ELMOD2: variants seen among roughly 807,000 people sequenced by gnomAD.
ELMOD2 encodes the protein ELMO domain containing 2.
ELMOD2 carries 28 observed loss-of-function variants against 41.0 expected under a neutral mutation model. The observed-to-expected ratio is 0.68, with a 90% confidence interval of 0.51 to 0.94. The LOEUF (loss-of-function observed/expected upper bound fraction) is 0.94, where lower values mean the gene tolerates loss of function less well. Among genes scored for constraint, ELMOD2 ranks in the 40% least tolerant of loss-of-function variants. ELMOD2 has a pLI of 0.00. For synonymous variants in ELMOD2, 106 were observed against 107.2 expected (o/e 0.99, Z 0.07); for missense variants, 333 against 343.1 (o/e 0.97, Z 0.23).
intron 2 of ELMOD2, 32 bp from the exon 3 acceptor site, chr4:140,527,434 A>G: frequency 1.3e-6 from 2 of 1,504,000 alleles, no homozygotes; most frequent in Non-Finnish European, 1.8e-6. Context: ...CATTTAAGTG[A>G]TAACATCTTT....
rs562614834 is a variant in ELMOD2, at chr4:140,551,238, A to T, written c.*863A>T. The T allele has an allele frequency of 6.6e-6, 1 of 152,238 alleles. No individual in the cohort carries two copies. Among genetic ancestry groups the T allele is most frequent in the Admixed American group, 6.5e-5 (1 of 15,282 alleles). 9.4% of individuals were successfully genotyped at this position (152,238 alleles called of 1,614,324 possible). A position where few individuals can be genotyped will look rare whatever the true frequency, so the allele number is the denominator to read the frequency against. On this transcript the variant is annotated 3_prime_UTR_variant, in exon 9 of 9. Transcript: ENST00000323570. ...GAAAATCTTGATTATATAAAAGACA[A>T]AAAGATTATAAAAGACAGTTTCTGT...
chr4:140,530,595 A>T (rs1160025605), intron 3 of ELMOD2, among the ~76,000 whole-genome samples: 1 of 152,212 alleles, frequency 6.6e-6, no homozygotes, highest in Admixed American at 6.5e-5. Context: ...GAACTTCATT[A>T]TTCAAAAATA....
chr4:140,546,084 C>G (rs1469544639), intron 8 of ELMOD2, among the ~76,000 whole-genome samples: 1 of 152,090 alleles, frequency 6.6e-6, no homozygotes, highest in Non-Finnish European at 1.5e-5. Context: ...TTGGAACCAA[C>G]CCAAATGTCC....
intron 8 of ELMOD2, among the ~76,000 whole-genome samples, chr4:140,544,027 A>G (rs1242841983): frequency 6.6e-6 from 1 of 152,092 alleles, no homozygotes; most frequent in Non-Finnish European, 1.5e-5. Context: ...TTCTTGTGGT[A>G]GGTTAGAGGT....
chr4:140,529,315 T>C (rs1734666400), intron 3 of ELMOD2, among the ~76,000 whole-genome samples: 1 of 152,230 alleles, frequency 6.6e-6, no homozygotes, highest in Middle Eastern at 3.2e-3. Flanking sequence ...AAACTGACCT[T>C]AAACAAGTTG....
chr4:140,524,536 A>C, intron 1 of ELMOD2: 1 of 948,742 alleles, frequency 1.1e-6, no homozygotes, highest in Non-Finnish European at 1.3e-6. Flanking sequence ...TTTTGTCCTA[A>C]TGAGCGCGGA....
chr4:140,544,353 C>T (rs1735201167), intron 8 of ELMOD2, among the ~76,000 whole-genome samples: 1 of 152,028 alleles, frequency 6.6e-6, no homozygotes, highest in Non-Finnish European at 1.5e-5. Flanking sequence ...TTTCTTACAC[C>T]CTAATTCCAG....
chr4:140,531,650 T>C (rs1332689348), intron 3 of ELMOD2, among the ~76,000 whole-genome samples: 1 of 152,244 alleles, frequency 6.6e-6, no homozygotes, highest in Non-Finnish European at 1.5e-5. Flanking sequence ...TAGTTTTCTT[T>C]TAATGCTATA....
chr4:140,535,522 T>C, intron 3 of ELMOD2: 2 of 437,688 alleles, frequency 4.6e-6, no homozygotes, highest in South Asian at 5.9e-5. Context: ...AGCCTTCCTC[T>C]GGTACATCAT....
At chr4:140,536,816 G>A (rs1285638024) in intron 4 of ELMOD2, among the ~76,000 whole-genome samples, 1 of 152,114 alleles carries the variant, frequency 6.6e-6, no homozygotes, top group Non-Finnish European at 1.5e-5. Context: ...AAATGACAAA[G>A]GCATAAATAC....
chr4:140,525,703 C>G, intron 2 of ELMOD2, 133 bp downstream of exon 2: 2 of 902,674 alleles, frequency 2.2e-6, no homozygotes, highest in Non-Finnish European at 3.1e-6. Flanking sequence ...CTCTGAAGTC[C>G]CGCTTTGACT....
chr4:140,548,940 A>G (rs965415264), intron 8 of ELMOD2, among the ~76,000 whole-genome samples: 1 of 152,150 alleles, frequency 6.6e-6, no homozygotes, highest in African/African-American at 2.4e-5. Context: ...GTATGATTTG[A>G]TAAGTTTTAA....
At position 140,550,518 on chromosome 4, in the gene ELMOD2, G is replaced by A; in HGVS notation, c.*143G>A. 1.2e-6 allele frequency: 1 copy of A among 839,056 alleles called. No individual in the cohort carries two copies. Among genetic ancestry groups the A allele is most frequent in the South Asian group, 1.9e-5 (1 of 51,304 alleles). 52.0% of individuals were successfully genotyped at this position (839,056 alleles called of 1,614,324 possible). A position where few individuals can be genotyped will look rare whatever the true frequency, so the allele number is the denominator to read the frequency against. Reference sequence around the variant, plus strand: ...TCAGAAATTCTATTTAAGAAAGCTAGTGGACAATCAGTGTATGTTTACAAT... The same window carrying A: ...TCAGAAATTCTATTTAAGAAAGCTAATGGACAATCAGTGTATGTTTACAAT... On this transcript the variant is annotated 3_prime_UTR_variant, in exon 9 of 9. Coordinates refer to ENST00000323570, the MANE Select transcript of ELMOD2 (RefSeq NM_153702.4).
intron 3 of ELMOD2, among the ~76,000 whole-genome samples, chr4:140,535,015 T>C (rs1734868606): frequency 6.6e-6 from 1 of 152,200 alleles, no homozygotes; most frequent in Non-Finnish European, 1.5e-5. Context: ...TGTACTCATA[T>C]TATCTCAGGA....
At chr4:140,538,022 C>T (rs1020346211) in intron 5 of ELMOD2, among the ~76,000 whole-genome samples, 6 of 152,024 alleles carry the variant, frequency 3.9e-5, no homozygotes, top group South Asian at 2.1e-4. Flanking sequence ...CCAAGCAATG[C>T]CACAAAAGAT....
intron 5 of ELMOD2, 152 bp from the exon 6 acceptor site, chr4:140,540,016 A>G (rs16998469): frequency 1.6e-4 from 131 of 808,566 alleles, no homozygotes; most frequent in Non-Finnish European, 3.0e-5. Context: ...TAATGGGAAT[A>G]AATGTGCTGC....
intron 8 of ELMOD2, among the ~76,000 whole-genome samples, 183 bp downstream of exon 8, chr4:140,543,769 T>G (rs1578772363): frequency 6.6e-6 from 1 of 152,140 alleles, no homozygotes; most frequent in East Asian, 1.9e-4. Flanking sequence ...GAGTATTCCA[T>G]ACTTCAGTTT....
At chr4:140,547,877 A>G (rs910047533) in intron 8 of ELMOD2, among the ~76,000 whole-genome samples, 10 of 152,180 alleles carry the variant, frequency 6.6e-5, no homozygotes, top group Non-Finnish European at 2.9e-5. Context: ...AAATATGTGC[A>G]TCATGGAAAA....
rs144153643 is a variant in ELMOD2, at chr4:140,525,105, G to A, written c.-9-315G>A. On this transcript the variant is annotated intron_variant, in intron 1 of 8. Transcript: ENST00000323570. ...CCAGTTCTCAAAGAATGGGAAGTTAGGAAACTAAGATATGAAATACAATTA... is the reference window on the plus strand; with the variant it reads ...CCAGTTCTCAAAGAATGGGAAGTTAAGAAACTAAGATATGAAATACAATTA... 605 of 194,086 alleles carry A rather than the reference G, an allele frequency of 3.1e-3. 7 individuals carry two copies. Among genetic ancestry groups the A allele is most frequent in the African/African-American group, 0.013 (571 of 42,302 alleles). 12.0% of individuals were successfully genotyped at this position (194,086 alleles called of 1,614,324 possible). A position where few individuals can be genotyped will look rare whatever the true frequency, so the allele number is the denominator to read the frequency against.
Sources: gnomAD v4.1 joint callset for allele counts (sites outside exome capture counted in the v4.1 genomes callset) on GRCh38, gnomAD v4.1.1 for gene constraint, MANE v1.5 for transcripts, NCBI Gene and HGNC (gene_info 2026-07-23, HGNC 2026-07-21) for gene names.